The following FHIP1A variants were observed in gnomAD, a reference collection of about 807,000 sequenced individuals.
The protein encoded by FHIP1A is FHF complex subunit HOOK interacting protein 1A.
FHIP1A carries 61 observed loss-of-function variants against 88.6 expected under a neutral mutation model. That is an observed-to-expected ratio of 0.69 (90% CI 0.56 to 0.85). The LOEUF is 0.85. Among genes scored for constraint, FHIP1A ranks in the 40% least tolerant of loss-of-function variants. FHIP1A has a pLI of 0.00. For missense variants in FHIP1A, 1,154 were observed against 1,273.5 expected, an observed-to-expected ratio of 0.91 and a Z score of 1.43; for synonymous variants, 478 against 496.0, an observed-to-expected ratio of 0.96 and a Z score of 0.48.
intron 1 of FHIP1A, among the ~76,000 whole-genome samples, chr4:151,431,021 A>C (rs1733571093): frequency 6.6e-6 from 1 of 150,526 alleles, no homozygotes; most frequent in South Asian, 2.1e-4. Context: ...ATATTTACTT[A>C]TGCAAATACA....
intron 3 of FHIP1A, among the ~76,000 whole-genome samples, chr4:151,492,748 A>G (rs532394915): frequency 6.6e-5 from 10 of 152,342 alleles, no homozygotes; most frequent in African/African-American, 2.4e-4. Context: ...TGGGTCAACA[A>G]TGAAATCAAC....
chr4:151,413,773 A>G (rs1039937603), intron 1 of FHIP1A, among the ~76,000 whole-genome samples: 1 of 151,920 alleles, frequency 6.6e-6, no homozygotes, highest in African/African-American at 2.4e-5. Context: ...ATTACTTAAA[A>G]AAAAAAGCCC....
chr4:151,622,525 C>T (rs1180086761), intron 7 of FHIP1A, among the ~76,000 whole-genome samples: 1 of 152,122 alleles, frequency 6.6e-6, no homozygotes, highest in East Asian at 1.9e-4. Context: ...GACACCCCTT[C>T]AGTAAGTATC....
intron 3 of FHIP1A, among the ~76,000 whole-genome samples, chr4:151,526,345 C>A (rs138610642): frequency 2.0e-5 from 3 of 150,858 alleles, no homozygotes; most frequent in Non-Finnish European, 4.4e-5. Flanking sequence ...CGGGCAGAGG[C>A]GCCCCTCACC....
intron 3 of FHIP1A, among the ~76,000 whole-genome samples, chr4:151,539,419 C>A (rs1297054700): frequency 6.6e-6 from 1 of 151,866 alleles, no homozygotes; most frequent in African/African-American, 2.4e-5. Context: ...AAAAAATTAG[C>A]CGGGCATGAT....
intron 8 of FHIP1A, among the ~76,000 whole-genome samples, chr4:151,638,147 G>A (rs1736425141): frequency 6.6e-6 from 1 of 152,148 alleles, no homozygotes; most frequent in African/African-American, 2.4e-5. Context: ...AATGGGAAAT[G>A]GAACCAAGGA....
chr4:151,422,407 G>C (rs891256759), intron 1 of FHIP1A, among the ~76,000 whole-genome samples: 2 of 151,396 alleles, frequency 1.3e-5, no homozygotes, highest in Non-Finnish European at 2.9e-5. Flanking sequence ...TTTAATGAGA[G>C]AGAGAGTCTT....
At chr4:151,421,879 C>G (rs1014521562) in intron 1 of FHIP1A, among the ~76,000 whole-genome samples, 3 of 152,066 alleles carry the variant, frequency 2.0e-5, no homozygotes, top group African/African-American at 7.2e-5. Flanking sequence ...AAAGCACTTT[C>G]ACATATATGA....
intron 6 of FHIP1A, among the ~76,000 whole-genome samples, chr4:151,588,005 T>G (rs1365538420): frequency 6.6e-6 from 1 of 152,112 alleles, no homozygotes; most frequent in Non-Finnish European, 1.5e-5. Context: ...GCTTTTTACT[T>G]TATTGTTTGA....
intron 3 of FHIP1A, among the ~76,000 whole-genome samples, 167 bp downstream of exon 3, chr4:151,482,815 G>A (rs2126635903): frequency 6.6e-6 from 1 of 151,944 alleles, no homozygotes; most frequent in African/African-American, 2.4e-5. Context: ...TCTATGTGAA[G>A]CATTTAAAAA....
intron 2 of FHIP1A, among the ~76,000 whole-genome samples, chr4:151,460,890 G>A (rs1276719274): frequency 1.3e-5 from 2 of 152,202 alleles, no homozygotes; most frequent in East Asian, 3.8e-4. Context: ...TTTGTGTTTA[G>A]GAAAATGAAA....
At chr4:151,486,229 G>C (rs1419377966) in intron 3 of FHIP1A, among the ~76,000 whole-genome samples, 4 of 152,130 alleles carry the variant, frequency 2.6e-5, no homozygotes, top group Non-Finnish European at 5.9e-5. Context: ...GTACCAGTCT[G>C]GGTCTCAGAG....
intron 9 of FHIP1A, among the ~76,000 whole-genome samples, chr4:151,646,003 T>G (rs1736778913): frequency 6.6e-6 from 1 of 152,228 alleles, no homozygotes; most frequent in Non-Finnish European, 1.5e-5. Flanking sequence ...GGTTGTTTGC[T>G]GCTGCCATTC....
chr4:151,411,349 A>ATATTTT (rs796909469), intron 1 of FHIP1A, among the ~76,000 whole-genome samples: 1 of 136,722 alleles, frequency 7.3e-6, no homozygotes, highest in South Asian at 2.2e-4. Flanking sequence ...TTATATATAT[A>ATATTTT]TTTTTTTTTT....
intron 5 of FHIP1A, among the ~76,000 whole-genome samples, chr4:151,582,623 C>T (rs1394051761): frequency 6.6e-6 from 1 of 152,086 alleles, no homozygotes; most frequent in Non-Finnish European, 1.5e-5. Context: ...CTGTTGTTAT[C>T]CTTGTGGTTT....
rs28688300 is a variant in FHIP1A, at chr4:151,534,408, T to C, written c.-122-31730T>C. ...CATATTGCTCCTATGAGGTAGTTAC[T>C]ATAAAAAGGCCACCTCTGTCCTTAG... On this transcript the variant is annotated intron_variant, in intron 3 of 13. Coordinates refer to ENST00000435205, the MANE Select transcript of FHIP1A (RefSeq NM_001109977.3). Among the ~76,000 whole-genome samples the C allele has an allele frequency of 1.9e-3, 284 of 152,332 alleles. 1 individual carries two copies. The highest frequency in any genetic ancestry group is 6.4e-3 in the African/African-American group (264 of 41,566).
chr4:151,556,578 T>C (rs999412937), intron 3 of FHIP1A, among the ~76,000 whole-genome samples: 1 of 152,166 alleles, frequency 6.6e-6, no homozygotes, highest in Non-Finnish European at 1.5e-5. Flanking sequence ...TTTCAGTGTA[T>C]AATTAGTAAC....
rs1214662795 is a variant in FHIP1A at position 151,666,355 on chromosome 4, T to C, written c.*3601T>C. Among the ~76,000 whole-genome samples, 1 of 152,172 alleles carries C rather than the reference T, an allele frequency of 6.6e-6. No homozygotes were observed. The highest frequency in any genetic ancestry group is 1.9e-4 in the East Asian group (1 of 5,200). On this transcript the variant is annotated 3_prime_UTR_variant, in exon 14 of 14. Coordinates refer to ENST00000435205, the MANE Select transcript of FHIP1A (RefSeq NM_001109977.3). The stretch of plus-strand genomic sequence containing the variant: ...GGTCCCCATTTTGTGGAGTATCATT[T>C]TGGAAAATGCTTTGATGTGCTCGGG...
In FHIP1A at chr4:151,662,787, T is replaced by C; in HGVS notation, c.*33T>C. 1 of 1,446,082 alleles carries C rather than the reference T, an allele frequency of 6.9e-7. No homozygotes were observed. The highest frequency in any genetic ancestry group is 9.1e-7 in the Non-Finnish European group (1 of 1,097,560). 89.6% of individuals were successfully genotyped at this position (1,446,082 alleles called of 1,614,324 possible). A position where few individuals can be genotyped will look rare whatever the true frequency, so the allele number is the denominator to read the frequency against. On this transcript the variant is annotated 3_prime_UTR_variant, in exon 14 of 14. Transcript: ENST00000435205. ...TTTTTTTTTTAATAGAGGTTCTTGT[T>C]TTGTAAGGTTTTAGTGTCTTGACTG...
Sources: gnomAD v4.1 joint callset for allele counts (sites outside exome capture counted in the v4.1 genomes callset) on GRCh38, gnomAD v4.1.1 for gene constraint, MANE v1.5 for transcripts, NCBI Gene and HGNC (gene_info 2026-07-23, HGNC 2026-07-21) for gene names.